Variants in QKI observed in about 807,000 individuals in gnomAD.
QKI encodes KH domain-containing RNA-binding protein QKI.
Under a neutral mutation model 39.0 loss-of-function variants are expected in QKI, and 10 were observed. The observed-to-expected ratio is 0.26, with a 90% CI of 0.16 to 0.43. QKI has a LOEUF of 0.43. Among genes scored for constraint, QKI ranks in the 20% least tolerant of loss-of-function variants. The pLI is 1.00. For synonymous variants in QKI, 204 were observed against 155.4 expected (o/e 1.31, Z -2.33); for missense variants, 218 against 428.0 (o/e 0.51, Z 4.33).
At chr6:163,470,069 G>A (rs1792070949) in intron 2 of QKI, among the ~76,000 whole-genome samples, 1 of 152,130 alleles carries the variant, frequency 6.6e-6, no homozygotes, top group South Asian at 2.1e-4. Flanking sequence ...TTGTGAATCA[G>A]CAAGATTGTG....
intron 1 of QKI, among the ~76,000 whole-genome samples, chr6:163,432,235 T>C (rs2128211398): frequency 6.6e-6 from 1 of 152,302 alleles, no homozygotes; most frequent in East Asian, 1.9e-4. Flanking sequence ...AGTCATATTA[T>C]CATTAAATTG....
chr6:163,487,909 TA>T (rs1777778620), intron 3 of QKI, among the ~76,000 whole-genome samples: 2 of 152,142 alleles, frequency 1.3e-5, no homozygotes, highest in Non-Finnish European at 2.9e-5. Flanking sequence ...GCAGAATAGC[TA>T]TATTCTGTTT....
intron 2 of QKI, among the ~76,000 whole-genome samples, chr6:163,461,100 A>G (rs1485722196): frequency 6.6e-6 from 1 of 152,228 alleles, no homozygotes; most frequent in Non-Finnish European, 1.5e-5. Context: ...AACTTAATGT[A>G]TAAGTTCAAC....
intron 1 of QKI, among the ~76,000 whole-genome samples, chr6:163,433,211 A>G (rs925257859): frequency 2.0e-5 from 3 of 152,196 alleles, no homozygotes; most frequent in Non-Finnish European, 4.4e-5. Flanking sequence ...GTTTAGGTAC[A>G]TGGTAACTGC....
At chr6:163,562,569 ACT>A (rs1783101786) in intron 5 of QKI, among the ~76,000 whole-genome samples, 1 of 151,792 alleles carries the variant, frequency 6.6e-6, no homozygotes, top group African/African-American at 2.4e-5. Context: ...GTGGGTGATA[ACT>A]CTTTTTCCGT....
intron 3 of QKI, among the ~76,000 whole-genome samples, chr6:163,498,767 A>G (rs904365989): frequency 7.2e-5 from 11 of 152,186 alleles, no homozygotes; most frequent in African/African-American, 2.7e-4. Context: ...TGCTGTTAGA[A>G]TATAAAACTA....
At chr6:163,447,215 G>A (rs1447636429) in intron 1 of QKI, among the ~76,000 whole-genome samples, 10 of 142,978 alleles carry the variant, frequency 7.0e-5, no homozygotes, top group Non-Finnish European at 3.1e-5. Context: ...TATTTTTATT[G>A]ATAGATATTT....
intron 3 of QKI, among the ~76,000 whole-genome samples, chr6:163,492,218 G>A (rs552335745): frequency 3.2e-4 from 48 of 152,204 alleles, no homozygotes; most frequent in Middle Eastern, 6.8e-3. Context: ...CAAATTATTA[G>A]GCCGTTTCAT....
intron 2 of QKI, among the ~76,000 whole-genome samples, chr6:163,466,174 A>G (rs1791732162): frequency 6.6e-6 from 1 of 152,106 alleles, no homozygotes; most frequent in Non-Finnish European, 1.5e-5. Flanking sequence ...ATCGGAAAGA[A>G]TAATATAATT....
At chr6:163,490,381 A>G (rs1777979586) in intron 3 of QKI, among the ~76,000 whole-genome samples, 1 of 151,486 alleles carries the variant, frequency 6.6e-6, no homozygotes, top group Non-Finnish European at 1.5e-5. Flanking sequence ...GAAGACTGAT[A>G]TATTGACAGT....
chr6:163,474,240 C>CT, intron 2 of QKI, among the ~76,000 whole-genome samples: 1 of 152,200 alleles, frequency 6.6e-6, no homozygotes, highest in Admixed American at 6.5e-5. Flanking sequence ...CTGTTGAAAC[C>CT]TTTATTCTTG....
intron 3 of QKI, among the ~76,000 whole-genome samples, chr6:163,487,868 G>C (rs1178719043): frequency 1.3e-5 from 2 of 151,818 alleles, no homozygotes; most frequent in African/African-American, 4.8e-5. Flanking sequence ...ATTGTTGATT[G>C]TTTTCTAGGT....
At chr6:163,556,051 C>G (rs568638420) in intron 4 of QKI, among the ~76,000 whole-genome samples, 1 of 152,264 alleles carries the variant, frequency 6.6e-6, no homozygotes, top group African/African-American at 2.4e-5. Flanking sequence ...GATAAGCTGC[C>G]TACCCTGCCT....
intron 3 of QKI, among the ~76,000 whole-genome samples, chr6:163,501,790 T>A (rs140144936): frequency 6.6e-6 from 1 of 152,232 alleles, no homozygotes; most frequent in Admixed American, 6.5e-5. Flanking sequence ...TTCTACACTT[T>A]CTTTCCACCA....
chr6:163,543,972 A>G (rs1781705774), intron 4 of QKI, among the ~76,000 whole-genome samples: 2 of 152,132 alleles, frequency 1.3e-5, no homozygotes, highest in Admixed American at 6.6e-5. Context: ...TACTCAGTGC[A>G]TGTAATAAAT....
chr6:163,445,764 G>T (rs986350246), intron 1 of QKI, among the ~76,000 whole-genome samples: 1 of 152,062 alleles, frequency 6.6e-6, no homozygotes, highest in South Asian at 2.1e-4. Context: ...ACAGGCGCCC[G>T]CCACCACGCC....
chr6:163,416,062 G>T (rs1242764318), intron 1 of QKI: 11 of 203,296 alleles, frequency 5.4e-5, no homozygotes, highest in South Asian at 8.5e-5. Context: ...GGTGGGGGGG[G>T]GGGGGGTGGA....
chr6:163,452,943 C>T (rs1282656925), intron 1 of QKI, among the ~76,000 whole-genome samples: 4 of 151,994 alleles, frequency 2.6e-5, no homozygotes, highest in Non-Finnish European at 5.9e-5. Flanking sequence ...GGCTAGGCTG[C>T]TCTTGAACTC....
chr6:163,435,946 C>CT (rs1425564949), intron 1 of QKI, among the ~76,000 whole-genome samples: 1 of 152,082 alleles, frequency 6.6e-6, no homozygotes, highest in Non-Finnish European at 1.5e-5. Context: ...ATTTTTTACT[C>CT]TAAGTGACTA....
Sources: allele counts gnomAD v4.1 joint callset (sites outside exome capture counted in the v4.1 genomes callset), GRCh38; gene constraint gnomAD v4.1.1; transcripts MANE v1.5; gene names NCBI Gene and HGNC (gene_info 2026-07-23, HGNC 2026-07-21).